Variants in DSCAM observed in about 807,000 individuals in gnomAD.
The protein encoded by DSCAM is cell adhesion molecule DSCAM.
A neutral mutation model predicts 217.7 loss-of-function variants in DSCAM; 47 were observed. The ratio of observed to expected loss-of-function variants is 0.22; its 90% confidence interval spans 0.17 to 0.28. The LOEUF is 0.28. Among genes scored for constraint, DSCAM ranks in the 10% least tolerant of loss-of-function variants. The probability of loss-of-function intolerance (pLI) is 1.00; values close to 1 mark genes in which losing one functional copy is unlikely to be tolerated. For missense variants in DSCAM, 2,080 were observed against 2,618.3 expected (o/e 0.79, Z 4.49); for synonymous variants, 1,056 against 1,015.3 (o/e 1.04, Z -0.76).
Position 40,802,304 on chromosome 21 carries a change from A to T in DSCAM, c.43+44315T>A, listed in dbSNP as rs896490279. The stretch of plus-strand genomic sequence containing the variant: ...TGCCTATTTATCACTTTGAAAATAG[A>T]AATCTGTGAGTCTTTCTAGGTACCT... On this transcript the variant is annotated intron_variant, in intron 1 of 32. Coordinates refer to ENST00000400454, the MANE Select transcript of DSCAM (RefSeq NM_001389.5). Among the ~76,000 whole-genome samples the T allele has an allele frequency of 5.3e-4, 81 of 152,362 alleles. 1 individual carries two copies. Among genetic ancestry groups the T allele is most frequent in the African/African-American group, 1.9e-3 (80 of 41,580 alleles).
intron 1 of DSCAM, among the ~76,000 whole-genome samples, chr21:40,776,449 T>A (rs1003360154): frequency 6.6e-6 from 1 of 152,174 alleles, no homozygotes; most frequent in African/African-American, 2.4e-5. Flanking sequence ...CTTTGATAAG[T>A]ACTACAAAGA....
intron 20 of DSCAM, among the ~76,000 whole-genome samples, chr21:40,100,594 C>T (rs750243542): frequency 6.6e-6 from 1 of 151,350 alleles, no homozygotes; most frequent in Non-Finnish European, 1.5e-5. Context: ...CCAGATTTCG[C>T]CTGATATATC....
At chr21:40,406,442 C>A (rs963341898) in intron 3 of DSCAM, among the ~76,000 whole-genome samples, 2 of 152,148 alleles carry the variant, frequency 1.3e-5, no homozygotes, top group African/African-American at 4.8e-5. Context: ...TATGTATAAA[C>A]CATGAAATAC....
At position 40,042,442 on chromosome 21, in the gene DSCAM, G is replaced by A; in HGVS notation, c.5615C>T (p.Thr1872Ile). Residue 1872 changes from threonine to isoleucine, a missense_variant, in exon 32 of 33, where the codon ACT becomes ATT. This residue lies in a region of DSCAM where 1,144 missense variants were observed against 1,421.1 expected (regional missense o/e 0.81). Transcript: ENST00000400454. ...ATCCTGAGGTTTGGGGGGAGATGCA[G>A]TGAACCTGCAGATTCCCGATTCGGA... is the stretch of plus-strand genomic sequence containing the variant. ...TPSESGICRFTASPPKPQDGG... is the reference protein window; with the variant it reads ...TPSESGICRFIASPPKPQDGG... 6.2e-7 allele frequency: 1 copy of A among 1,614,206 alleles called. No individual in the cohort carries two copies. The highest frequency in any genetic ancestry group is 8.5e-7 in the Non-Finnish European group (1 of 1,180,040).
At chr21:40,240,621 C>T (rs1316261984) in intron 11 of DSCAM, among the ~76,000 whole-genome samples, 1 of 152,114 alleles carries the variant, frequency 6.6e-6, no homozygotes, top group African/African-American at 2.4e-5. Context: ...CCATTCCCGT[C>T]CTTTCCTCTG....
chr21:40,376,160 T>G (rs1569092466), intron 3 of DSCAM, among the ~76,000 whole-genome samples: 1 of 152,174 alleles, frequency 6.6e-6, no homozygotes, highest in African/African-American at 2.4e-5. Flanking sequence ...ATGGCTCTGC[T>G]AATAAGATGT....
intron 1 of DSCAM, among the ~76,000 whole-genome samples, chr21:40,713,157 C>T (rs34810773): frequency 0.033 from 5,100 of 152,320 alleles, 116 homozygotes; most frequent in East Asian, 0.099. Flanking sequence ...CAGATGATAT[C>T]TACCTGACAG....
At position 40,583,440 on chromosome 21, in the gene DSCAM, A is replaced by G. The variant is rs546461803; in HGVS notation, c.508+109370T>C. 9.2e-5 allele frequency among the ~76,000 whole-genome samples: 14 copies of G among 152,256 alleles called. No homozygotes were observed. The South Asian group carries it at 2.9e-3, about 32-fold the overall frequency. ...ACGAATATGCTTCTCGGCCTGGTACATGGAACACGAGCTGGTCCTCTGCCC... is the reference window on the plus strand; with the variant it reads ...ACGAATATGCTTCTCGGCCTGGTACGTGGAACACGAGCTGGTCCTCTGCCC... On this transcript the variant is annotated intron_variant, in intron 3 of 32. Coordinates refer to ENST00000400454, the MANE Select transcript of DSCAM (RefSeq NM_001389.5).
At chr21:40,603,124 T>C (rs1218622618) in intron 3 of DSCAM, among the ~76,000 whole-genome samples, 1 of 152,134 alleles carries the variant, frequency 6.6e-6, no homozygotes, top group African/African-American at 2.4e-5. Context: ...TATTTAGAGA[T>C]TTGCAGCTGT....
chr21:40,394,698 C>G (rs553680616), intron 3 of DSCAM, among the ~76,000 whole-genome samples: 1 of 152,214 alleles, frequency 6.6e-6, no homozygotes, highest in African/African-American at 2.4e-5. Flanking sequence ...CTATCTTTTC[C>G]CTAGAGGGAG....
chr21:40,560,458 C>T (rs2076711652), intron 3 of DSCAM, among the ~76,000 whole-genome samples: 1 of 152,176 alleles, frequency 6.6e-6, no homozygotes, highest in Non-Finnish European at 1.5e-5. Context: ...AACCCTGATG[C>T]CGATGTCCAC....
intron 1 of DSCAM, among the ~76,000 whole-genome samples, chr21:40,751,609 A>C (rs2091229876): frequency 6.6e-6 from 1 of 152,180 alleles, no homozygotes. Flanking sequence ...GCAAAATATT[A>C]CTTAAGGCTA....
intron 1 of DSCAM, among the ~76,000 whole-genome samples, chr21:40,794,624 T>G (rs180929680): frequency 5.8e-4 from 82 of 140,514 alleles, no homozygotes; most frequent in South Asian, 3.1e-3. Flanking sequence ...TAATGACTAC[T>G]TATCCCTTGG....
chr21:40,810,269 G>T (rs907504227), intron 1 of DSCAM, among the ~76,000 whole-genome samples: 3 of 152,218 alleles, frequency 2.0e-5, no homozygotes, highest in Admixed American at 6.5e-5. Context: ...GCACCCTCAG[G>T]TCTGTGCACA....
At chr21:40,261,941 G>A (rs1269785255) in intron 11 of DSCAM, among the ~76,000 whole-genome samples, 2 of 152,082 alleles carry the variant, frequency 1.3e-5, no homozygotes, top group Admixed American at 1.3e-4. Flanking sequence ...ATGAAGTCAT[G>A]AGAAGGTCTA....
chr21:40,110,571 A>T (rs1156650868), intron 20 of DSCAM, among the ~76,000 whole-genome samples: 1 of 151,924 alleles, frequency 6.6e-6, no homozygotes, highest in African/African-American at 2.4e-5. Flanking sequence ...ATGGAAGATG[A>T]TTTTGATGAG....
intron 3 of DSCAM, among the ~76,000 whole-genome samples, chr21:40,375,225 T>A (rs1044193251): frequency 6.6e-6 from 1 of 152,222 alleles, no homozygotes; most frequent in Non-Finnish European, 1.5e-5. Flanking sequence ...CATCTAAGGA[T>A]TGTAGCTTTC....
chr21:40,471,908 A>G (rs1240529954), intron 3 of DSCAM, among the ~76,000 whole-genome samples: 3 of 152,064 alleles, frequency 2.0e-5, no homozygotes, highest in African/African-American at 7.2e-5. Context: ...CTCGTCATTT[A>G]CATTAGGTAT....
intron 11 of DSCAM, among the ~76,000 whole-genome samples, chr21:40,267,896 C>CA (rs112636145): frequency 0.077 from 11,595 of 151,128 alleles, 1,042 homozygotes; most frequent in East Asian, 0.21. Context: ...AACTCCACCT[C>CA]AAAAAAAGAA....
Sources: gnomAD v4.1 joint callset for allele counts (sites outside exome capture counted in the v4.1 genomes callset) on GRCh38, gnomAD v4.1.1 for gene constraint, gnomAD v4.1.1 regional missense constraint, MANE v1.5 for transcripts, NCBI Gene and HGNC (gene_info 2026-07-23, HGNC 2026-07-21) for gene names.